Variants in TRMT11 observed in about 807,000 individuals in gnomAD.
TRMT11 encodes tRNA (guanine(10)-N(2))-methyltransferase TRMT11.
A neutral mutation model predicts 62.8 loss-of-function variants in TRMT11; 53 were observed. The ratio of observed to expected loss-of-function variants is 0.84; its 90% CI spans 0.68 to 1.06. The LOEUF is 1.06. TRMT11 is among the 50% of genes least tolerant of loss of function. The probability of loss-of-function intolerance (pLI) is 0.00; values close to 1 mark genes in which losing one functional copy is unlikely to be tolerated. For synonymous variants in TRMT11, 188 were observed against 190.3 expected, an observed-to-expected ratio of 0.99 and a Z score of 0.10; for missense variants, 556 against 553.4, an observed-to-expected ratio of 1.00 and a Z score of -0.05.
chr6:126,124,259 C>G (rs141577886), intron 21 of TRMT11, among the ~76,000 whole-genome samples: 1 of 151,978 alleles, frequency 6.6e-6, no homozygotes, highest in Non-Finnish European at 1.5e-5. Flanking sequence ...CTCTTGGGTC[C>G]GTTAGTTTCT....
chr6:125,999,688 T>C, intron 7 of TRMT11, 75 bp downstream of exon 7: 1 of 1,364,698 alleles, frequency 7.3e-7, no homozygotes, highest in Non-Finnish European at 1.0e-6. Flanking sequence ...GTAATATTTT[T>C]GCTAAAAGAG....
intron 1 of TRMT11, among the ~76,000 whole-genome samples, chr6:126,187,716 G>A (rs1486437452): frequency 6.6e-6 from 1 of 151,876 alleles, no homozygotes; most frequent in Non-Finnish European, 1.5e-5. Context: ...CTTATTTTAG[G>A]ATTTATTTTA....
chr6:126,032,607 C>T (rs905678374), intron 12 of TRMT11, among the ~76,000 whole-genome samples: 1 of 152,118 alleles, frequency 6.6e-6, no homozygotes. Flanking sequence ...TGTCCTTTCC[C>T]TTCACCGCTT....
In TRMT11 at chr6:126,127,668, C is replaced by T. The variant is rs535557253; in HGVS notation, c.*1823+11813C>T. ...ATCCCTCCCCCCTCCCCCCACCCCACGACAGGCCCCGGTGTGTGATGTTCC... is the reference window on the plus strand; with the variant it reads ...ATCCCTCCCCCCTCCCCCCACCCCATGACAGGCCCCGGTGTGTGATGTTCC... On this transcript the variant is annotated intron_variant and NMD_transcript_variant, in intron 21 of 22. Coordinates refer to the TRMT11 transcript ENST00000648977. Among the ~76,000 whole-genome samples, 1,243 of 128,830 alleles carry T rather than the reference C, an allele frequency of 9.6e-3. 12 individuals are homozygous for T. Among genetic ancestry groups the T allele is most frequent in the African/African-American group, 0.033 (1,145 of 34,560 alleles). 84.5% of individuals were successfully genotyped at this position (128,830 alleles called of 152,430 possible).
intron 16 of TRMT11, among the ~76,000 whole-genome samples, chr6:126,050,018 T>TTTAGAC (rs1323788443): frequency 6.6e-6 from 1 of 152,120 alleles, no homozygotes; most frequent in Non-Finnish European, 1.5e-5. Context: ...GCAAAAGACC[T>TTTAGAC]TGAATGTCAG....
chr6:126,110,192 A>G (rs2128186930), intron 17 of TRMT11, among the ~76,000 whole-genome samples: 1 of 152,210 alleles, frequency 6.6e-6, no homozygotes, highest in African/African-American at 2.4e-5. Context: ...AGGCATTATT[A>G]TTGGCTTTTT....
chr6:126,243,838 C>T, the TRMT11 span, among the ~76,000 whole-genome samples: 60 of 152,028 alleles, frequency 3.9e-4, no homozygotes, highest in Middle Eastern at 3.4e-3. Context: ...ATGTAAATGA[C>T]GAGTTCATGG....
At chr6:126,190,774 C>A (rs1052952800) in intron 1 of TRMT11, among the ~76,000 whole-genome samples, 1 of 152,136 alleles carries the variant, frequency 6.6e-6, no homozygotes, top group Non-Finnish European at 1.5e-5. Context: ...GACAGGATTT[C>A]ATTCTTTTTT....
intron 21 of TRMT11, among the ~76,000 whole-genome samples, chr6:126,152,226 G>A (rs1260659823): frequency 1.3e-5 from 2 of 150,678 alleles, no homozygotes; most frequent in African/African-American, 2.5e-5. Flanking sequence ...TTAGGTTGTG[G>A]CATGCTAGTT....
At chr6:126,117,446 G>A (rs901690873) in intron 21 of TRMT11, among the ~76,000 whole-genome samples, 1 of 151,924 alleles carries the variant, frequency 6.6e-6, no homozygotes, top group Non-Finnish European at 1.5e-5. Flanking sequence ...GTCTTTTACC[G>A]TCCTTGACAG....
chr6:126,117,265 C>A (rs1777600206), intron 21 of TRMT11, among the ~76,000 whole-genome samples: 1 of 152,062 alleles, frequency 6.6e-6, no homozygotes, highest in Non-Finnish European at 1.5e-5. Flanking sequence ...GTTTTGAATA[C>A]TTATATTAAC....
chr6:126,244,454 G>T, the TRMT11 span, among the ~76,000 whole-genome samples: 7 of 152,078 alleles, frequency 4.6e-5, no homozygotes, highest in Non-Finnish European at 1.0e-4. Flanking sequence ...CTGTAAGATT[G>T]CATAGAATCT....
chr6:126,229,775 C>T, the TRMT11 span, among the ~76,000 whole-genome samples: 3 of 152,156 alleles, frequency 2.0e-5, no homozygotes, highest in Non-Finnish European at 2.9e-5. Flanking sequence ...GTCTTTTGTA[C>T]CGTGCTATTT....
chr6:126,041,218 T>C (rs998979287), downstream of TRMT11, among the ~76,000 whole-genome samples: 2 of 152,076 alleles, frequency 1.3e-5, no homozygotes, highest in Non-Finnish European at 2.9e-5. Context: ...TCAAGTTTTG[T>C]AGGGGAAAGT....
At chr6:126,080,794 GC>G (rs144767788) in intron 17 of TRMT11, among the ~76,000 whole-genome samples, 220 of 152,236 alleles carry the variant, frequency 1.4e-3, no homozygotes, top group African/African-American at 5.1e-3. Context: ...CTCACAGTGG[GC>G]CCAGTTGGTC....
intron 16 of TRMT11, among the ~76,000 whole-genome samples, chr6:126,051,106 A>G (rs1776205346): frequency 6.6e-6 from 1 of 152,196 alleles, no homozygotes; most frequent in Admixed American, 6.5e-5. Flanking sequence ...AAGTTTTTAT[A>G]TTGGGTTTAA....
chr6:126,050,539 C>G (rs1020939922), intron 16 of TRMT11, among the ~76,000 whole-genome samples: 1 of 151,738 alleles, frequency 6.6e-6, no homozygotes, highest in African/African-American at 2.4e-5. Flanking sequence ...CCTGTAATTA[C>G]AAAAATAAAA....
intron 17 of TRMT11, among the ~76,000 whole-genome samples, chr6:126,054,680 C>CA (rs1221077980): frequency 6.6e-6 from 1 of 152,230 alleles, no homozygotes; most frequent in East Asian, 1.9e-4. Context: ...CGCTCCAAGA[C>CA]AAATGAGCTG....
At chr6:126,146,809 C>T (rs960915275) in intron 21 of TRMT11, among the ~76,000 whole-genome samples, 4 of 152,288 alleles carry the variant, frequency 2.6e-5, no homozygotes, top group Admixed American at 6.5e-5. Context: ...TGAGCCACTG[C>T]GCCCAGCCTA....
Sources: gnomAD v4.1 joint callset for allele counts (sites outside exome capture counted in the v4.1 genomes callset) on GRCh38, gnomAD v4.1.1 for gene constraint, MANE v1.5 for transcripts, NCBI Gene and HGNC (gene_info 2026-07-23, HGNC 2026-07-21) for gene names.